CNTNAP2: variants seen among roughly 807,000 people sequenced by gnomAD.
The protein encoded by CNTNAP2 is contactin-associated protein-like 2.
Under a neutral mutation model 155.2 loss-of-function variants are expected in CNTNAP2, and 98 were observed. The ratio of observed to expected loss-of-function variants is 0.63; its 90% CI spans 0.54 to 0.75. The LOEUF is 0.75. Ranked by LOEUF, CNTNAP2 falls within the 30% of genes least tolerant of loss-of-function variation. CNTNAP2 has a pLI of 0.00. For missense variants in CNTNAP2, 1,727 were observed against 1,688.1 expected (o/e 1.02, Z -0.40); for synonymous variants, 651 against 631.2 (o/e 1.03, Z -0.47).
At chr7:147,895,877 A>G (rs937267939) in intron 13 of CNTNAP2, among the ~76,000 whole-genome samples, 1 of 152,252 alleles carries the variant, frequency 6.6e-6, no homozygotes, top group Non-Finnish European at 1.5e-5. Context: ...AAATTAGCCA[A>G]TGCTAATAAC....
intron 13 of CNTNAP2, among the ~76,000 whole-genome samples, chr7:147,732,756 G>A (rs1243973753): frequency 6.6e-6 from 1 of 152,202 alleles, no homozygotes; most frequent in Non-Finnish European, 1.5e-5. Context: ...GTATCTCATT[G>A]TGGTTTTGAT....
intron 21 of CNTNAP2, among the ~76,000 whole-genome samples, chr7:148,319,508 C>T (rs1489316709): frequency 6.6e-6 from 1 of 152,184 alleles, no homozygotes; most frequent in East Asian, 1.9e-4. Flanking sequence ...TGGACACCTA[C>T]CGTGGCCTGT....
rs923985548 is a variant in CNTNAP2 at position 146,894,498 on chromosome 7, T to C, written c.402+54594T>C. ...TTTTCTCTTGTTTTAACTAGTTGTT[T>C]TCTTATGCTTCAATCTTTTGTACAT... On this transcript the variant is annotated intron_variant, in intron 3 of 23. Coordinates refer to ENST00000361727, the MANE Select transcript of CNTNAP2 (RefSeq NM_014141.6). Among the ~76,000 whole-genome samples, 5 of 152,296 alleles carry C rather than the reference T, an allele frequency of 3.3e-5. No individual in the cohort carries two copies. The East Asian group carries it at 9.7e-4, about 29-fold the overall frequency.
chr7:147,557,598 G>A (rs753258975), intron 11 of CNTNAP2, among the ~76,000 whole-genome samples: 4 of 152,034 alleles, frequency 2.6e-5, no homozygotes, highest in Non-Finnish European at 5.9e-5. Context: ...TCATCTCCTA[G>A]GGCTTAATGT....
intron 20 of CNTNAP2, among the ~76,000 whole-genome samples, chr7:148,259,816 T>C (rs1403022046): frequency 1.3e-5 from 2 of 152,250 alleles, no homozygotes; most frequent in African/African-American, 2.4e-5. Flanking sequence ...AGACACAAGG[T>C]CCTGCCTAAA....
intron 1 of CNTNAP2, among the ~76,000 whole-genome samples, chr7:146,390,886 G>A (rs548746568): frequency 2.8e-4 from 34 of 121,674 alleles, no homozygotes; most frequent in Middle Eastern, 4.3e-3. Flanking sequence ...GGCCAACATG[G>A]TGAAACCCCA....
chr7:146,492,070 T>C (rs1797148702), intron 1 of CNTNAP2, among the ~76,000 whole-genome samples: 1 of 152,226 alleles, frequency 6.6e-6, no homozygotes, highest in Middle Eastern at 3.4e-3. Context: ...ACGCAATGTC[T>C]CTAGAAAGAT....
intron 9 of CNTNAP2, among the ~76,000 whole-genome samples, chr7:147,304,544 G>C (rs1177373291): frequency 6.6e-6 from 1 of 152,126 alleles, no homozygotes; most frequent in Non-Finnish European, 1.5e-5. Context: ...GCTGTGGGCT[G>C]AAGAGGAGAG....
intron 1 of CNTNAP2, among the ~76,000 whole-genome samples, chr7:146,400,279 T>A (rs75661693): frequency 6.6e-6 from 1 of 150,530 alleles, no homozygotes; most frequent in Non-Finnish European, 1.5e-5. Context: ...AAAAAAAAAA[T>A]ATGAAAAAAA....
chr7:146,502,815 A>C lies in CNTNAP2; in HGVS notation c.98-271456A>C, dbSNP rs1229219494. Reference sequence around the variant, plus strand: ...TTTTTTGTAGAAATGAGGTTTTGTCATGTTGGCCAGGCTGGTCTTGAAGTC... The same window carrying C: ...TTTTTTGTAGAAATGAGGTTTTGTCCTGTTGGCCAGGCTGGTCTTGAAGTC... On this transcript the variant is annotated intron_variant, in intron 1 of 23. Transcript: ENST00000361727. Among the ~76,000 whole-genome samples, 3 of 152,238 alleles carry C rather than the reference A, an allele frequency of 2.0e-5. No individual in the cohort carries two copies. In the East Asian group the frequency reaches 5.8e-4, roughly 29 times the overall value.
chr7:148,136,001 AAGGAAGGAAGGAAGGAAGGG>A (rs1804934773), intron 16 of CNTNAP2, among the ~76,000 whole-genome samples: 1 of 40,178 alleles, frequency 2.5e-5, no homozygotes, highest in African/African-American at 1.1e-4. Flanking sequence ...GGAAGGAAGG[AAGGAAGGAAGGAAGGAAGGG>A]AGGGAGGGAG....
chr7:147,480,364 G>A (rs1215808715), intron 10 of CNTNAP2, among the ~76,000 whole-genome samples: 1 of 152,180 alleles, frequency 6.6e-6, no homozygotes, highest in Non-Finnish European at 1.5e-5. Flanking sequence ...ATGTCCAGGT[G>A]TAAAGTTGGC....
chr7:147,718,967 G>GA (rs1381705230), intron 13 of CNTNAP2, among the ~76,000 whole-genome samples: 2 of 151,854 alleles, frequency 1.3e-5, no homozygotes, highest in Non-Finnish European at 2.9e-5. Context: ...GATTTTCAAA[G>GA]AAAAAACAAT....
intron 4 of CNTNAP2, among the ~76,000 whole-genome samples, chr7:147,096,878 G>A (rs1014307759): frequency 6.6e-6 from 1 of 152,140 alleles, no homozygotes; most frequent in Admixed American, 6.5e-5. Flanking sequence ...ACAGAGTACT[G>A]TTTTTAGTGT....
At chr7:148,256,918 C>T (rs2116825164) in intron 20 of CNTNAP2, among the ~76,000 whole-genome samples, 1 of 152,286 alleles carries the variant, frequency 6.6e-6, no homozygotes, top group South Asian at 2.1e-4. Context: ...AGTCAAAGTC[C>T]TCCAACGTGG....
intron 4 of CNTNAP2, among the ~76,000 whole-genome samples, chr7:147,105,824 C>T (rs565649419): frequency 1.4e-4 from 22 of 152,036 alleles, no homozygotes; most frequent in African/African-American, 4.8e-4. Context: ...ATCTAGGTTA[C>T]AGAGAATTTT....
chr7:147,632,368 G>A (rs1040021273), intron 12 of CNTNAP2, among the ~76,000 whole-genome samples: 1 of 152,122 alleles, frequency 6.6e-6, no homozygotes, highest in African/African-American at 2.4e-5. Flanking sequence ...TTGCGGGAGG[G>A]ACCAGGTAGA....
At chr7:147,991,156 A>G (rs1801704838) in intron 15 of CNTNAP2, among the ~76,000 whole-genome samples, 1 of 152,180 alleles carries the variant, frequency 6.6e-6, no homozygotes, top group South Asian at 2.1e-4. Context: ...ATGACCTGTT[A>G]TGAGTCAATC....
chr7:147,934,093 T>C (rs980987197), intron 14 of CNTNAP2, among the ~76,000 whole-genome samples: 9 of 152,326 alleles, frequency 5.9e-5, no homozygotes, highest in African/African-American at 1.9e-4. Context: ...TCAATGGGTA[T>C]AAAGTTTTAG....
Sources: gnomAD v4.1 joint callset for allele counts (sites outside exome capture counted in the v4.1 genomes callset) on GRCh38, gnomAD v4.1.1 for gene constraint, MANE v1.5 for transcripts, NCBI Gene and HGNC (gene_info 2026-07-23, HGNC 2026-07-21) for gene names.